Variants in RFX3 observed in about 807,000 individuals in gnomAD.
RFX3 encodes the protein transcription factor RFX3.
Under a neutral mutation model 98.6 loss-of-function variants are expected in RFX3, and 14 were observed. The ratio of observed to expected loss-of-function variants is 0.14; its 90% CI spans 0.09 to 0.22. RFX3 has a LOEUF of 0.22. RFX3 is among the 10% of genes least tolerant of loss of function. The pLI is 1.00. For synonymous variants in RFX3, 383 were observed against 328.4 expected (o/e 1.17, Z -1.80); for missense variants, 639 against 926.9 (o/e 0.69, Z 4.03).
At chr9:3,398,158 C>T (rs1214975029) in intron 1 of RFX3, among the ~76,000 whole-genome samples, 2 of 151,996 alleles carry the variant, frequency 1.3e-5, no homozygotes, top group African/African-American at 4.8e-5. Context: ...ATCTTTGAAC[C>T]AGCATTAAGA....
At chr9:3,426,940 C>T (rs780634279) in intron 1 of RFX3, among the ~76,000 whole-genome samples, 84 of 152,176 alleles carry the variant, frequency 5.5e-4, no homozygotes, top group Middle Eastern at 3.4e-3. Flanking sequence ...TTCCATAAAA[C>T]CGGTCCCTGG....
chr9:3,280,943 T>G (rs140158960), intron 7 of RFX3, among the ~76,000 whole-genome samples: 1 of 151,928 alleles, frequency 6.6e-6, no homozygotes, highest in African/African-American at 2.4e-5. Flanking sequence ...TTTTTAACTT[T>G]TCTCAATAAA....
Position 3,223,987 on chromosome 9 carries a change from C to T in RFX3, c.*1055G>A, listed in dbSNP as rs943086973. On this transcript the variant is annotated 3_prime_UTR_variant, in exon 17 of 17. Coordinates refer to ENST00000617270, the MANE Select transcript of RFX3 (RefSeq NM_001282116.2). Reference sequence around the variant, plus strand: ...ATTTAAATCCACATACTTTAGAAACCAGGAAATAGTTTTGAAGGAAATAAC... The same window carrying T: ...ATTTAAATCCACATACTTTAGAAACTAGGAAATAGTTTTGAAGGAAATAAC... The T allele has an allele frequency of 2.0e-5, 3 of 152,106 alleles. No homozygotes were observed. The highest frequency in any genetic ancestry group is 1.9e-4 in the East Asian group (1 of 5,200). The allele number at this position is 152,106 out of a possible 1,614,324, so 9.4% of individuals were successfully genotyped here. A position where few individuals can be genotyped will look rare whatever the true frequency, so the allele number is the denominator to read the frequency against.
chr9:3,280,408 C>G (rs1341012124), intron 7 of RFX3, among the ~76,000 whole-genome samples: 1 of 151,662 alleles, frequency 6.6e-6, no homozygotes, highest in Admixed American at 6.6e-5. Flanking sequence ...AATGTATTGT[C>G]TGGCAATGGA....
Position 3,277,371 on chromosome 9 carries a change from A to G in RFX3, c.942T>C (p.Ile314=). Reference sequence around the variant, plus strand: ...ACTGTTGATGATGTTGGCTTTGGGCAATTACAGTTTGCTCAACAGATGTGC... The same window carrying G: ...ACTGTTGATGATGTTGGCTTTGGGCGATTACAGTTTGCTCAACAGATGTGC... ...QTGTSVEQTV[I]AQSQHHQQFL... Residue 314 remains isoleucine (I), a synonymous_variant, in exon 8 of 17, where the codon ATT becomes ATC. Transcript: ENST00000617270. The G allele has an allele frequency of 6.2e-7, 1 of 1,612,854 alleles. No individual in the cohort carries two copies. Among genetic ancestry groups the G allele is most frequent in the East Asian group, 2.2e-5 (1 of 44,824 alleles).
chr9:3,236,677 C>T (rs1331248374), intron 15 of RFX3, among the ~76,000 whole-genome samples: 1 of 152,162 alleles, frequency 6.6e-6, no homozygotes, highest in Non-Finnish European at 1.5e-5. Context: ...CACAGCAGGA[C>T]ACACAAAGCA....
In RFX3 at chr9:3,219,295, A is replaced by G. The variant is rs980204774; in HGVS notation, c.*5747T>C. ...TACTGAAGGAAAAATTTACTTGGTT[A>G]TCAACAGTCAATGGGAGTTTTTATA... On this transcript the variant is annotated 3_prime_UTR_variant, in exon 17 of 17. Coordinates refer to ENST00000617270, the MANE Select transcript of RFX3 (RefSeq NM_001282116.2). The G allele has an allele frequency of 7.2e-5, 11 of 152,292 alleles. No individual in the cohort carries two copies. The highest frequency in any genetic ancestry group is 2.6e-4 in the African/African-American group (11 of 41,566). The allele number at this position is 152,292 out of a possible 1,614,324, so 9.4% of individuals were successfully genotyped here.
intron 1 of RFX3, among the ~76,000 whole-genome samples, chr9:3,399,160 C>G (rs939799304): frequency 1.3e-5 from 2 of 151,560 alleles, no homozygotes; most frequent in African/African-American, 4.9e-5. Flanking sequence ...CCAGGCCGGG[C>G]ACAGTGGTTC....
rs10971351 is a variant in RFX3, at chr9:3,312,240, G to A, written c.475-10620C>T. ...GATGTGCACTCATGAATATATGTAT[G>A]TACATATGAGTGAGTATTGGGCCAC... On this transcript the variant is annotated intron_variant, in intron 4 of 16. Coordinates refer to ENST00000617270, the MANE Select transcript of RFX3 (RefSeq NM_001282116.2). Among the ~76,000 whole-genome samples, 130 of 152,254 alleles carry A rather than the reference G, an allele frequency of 8.5e-4. 5 individuals are homozygous for A. The East Asian group carries it at 0.02, about 24-fold the overall frequency.
intron 1 of RFX3, among the ~76,000 whole-genome samples, chr9:3,495,205 C>A (rs1330078015): frequency 1.3e-5 from 2 of 151,814 alleles, no homozygotes; most frequent in African/African-American, 2.4e-5. Context: ...GCAAGAACTT[C>A]TCCATTTTTA....
intron 7 of RFX3, among the ~76,000 whole-genome samples, chr9:3,279,058 A>G (rs1443187858): frequency 2.6e-5 from 4 of 151,860 alleles, no homozygotes; most frequent in African/African-American, 9.7e-5. Context: ...CTTGTTTATT[A>G]AAAATTTAAT....
chr9:3,520,601 AG>A (rs1818612299), intron 1 of RFX3, among the ~76,000 whole-genome samples: 1 of 152,206 alleles, frequency 6.6e-6, no homozygotes, highest in Non-Finnish European at 1.5e-5. Flanking sequence ...GGAACCTAAA[AG>A]TTTTCAGATA....
chr9:3,447,562 G>T (rs554539662), intron 1 of RFX3, among the ~76,000 whole-genome samples: 2 of 152,080 alleles, frequency 1.3e-5, no homozygotes, highest in Non-Finnish European at 2.9e-5. Flanking sequence ...TTTCAACTTT[G>T]TTCTTGCTCA....
chr9:3,480,227 C>A (rs1387971461), intron 1 of RFX3, among the ~76,000 whole-genome samples: 1 of 152,188 alleles, frequency 6.6e-6, no homozygotes, highest in Non-Finnish European at 1.5e-5. Flanking sequence ...TTTCAGCCAG[C>A]AGGTGAGAAA....
chr9:3,392,443 T>C (rs11506601), intron 2 of RFX3, among the ~76,000 whole-genome samples: 2 of 135,788 alleles, frequency 1.5e-5, no homozygotes, highest in Non-Finnish European at 3.2e-5. Context: ...TCCTGAAAAT[T>C]AAAAAAAAAG....
intron 1 of RFX3, among the ~76,000 whole-genome samples, chr9:3,497,892 C>T (rs1851226717): frequency 6.6e-6 from 1 of 151,944 alleles, no homozygotes; most frequent in Non-Finnish European, 1.5e-5. Flanking sequence ...TAATAGGTCA[C>T]AAATACCTAA....
chr9:3,425,107 C>G (rs1302890390), intron 1 of RFX3, among the ~76,000 whole-genome samples: 1 of 152,192 alleles, frequency 6.6e-6, no homozygotes, highest in South Asian at 2.1e-4. Context: ...GCATGGTGGC[C>G]CACATCTGTG....
chr9:3,278,581 G>T (rs1825533060), intron 7 of RFX3, among the ~76,000 whole-genome samples: 1 of 151,674 alleles, frequency 6.6e-6, no homozygotes, highest in Admixed American at 6.6e-5. Flanking sequence ...CCTAATATGT[G>T]AACAGGACAT....
intron 1 of RFX3, among the ~76,000 whole-genome samples, chr9:3,424,505 G>A (rs1469047020): frequency 6.6e-6 from 1 of 151,334 alleles, no homozygotes; most frequent in African/African-American, 2.4e-5. Flanking sequence ...GGGACTACAG[G>A]CGCCCGCCAC....
Sources: allele counts gnomAD v4.1 joint callset (sites outside exome capture counted in the v4.1 genomes callset), GRCh38; gene constraint gnomAD v4.1.1; transcripts MANE v1.5; gene names NCBI Gene and HGNC (gene_info 2026-07-23, HGNC 2026-07-21).